The following SLC45A2 variants were observed in gnomAD, a reference collection of about 807,000 sequenced individuals.
SLC45A2 encodes membrane-associated transporter protein.
SLC45A2 carries 36 observed loss-of-function variants against 45.5 expected under a neutral mutation model. The ratio of observed to expected loss-of-function variants is 0.79; its 90% CI spans 0.61 to 1.04. The LOEUF (loss-of-function observed/expected upper bound fraction) is 1.04, where lower values mean the gene tolerates loss of function less well. Among genes scored for constraint, SLC45A2 ranks in the 50% least tolerant of loss-of-function variants. SLC45A2 has a pLI of 0.00. For missense variants in SLC45A2, 719 were observed against 671.0 expected, an observed-to-expected ratio of 1.07 and a Z score of -0.79; for synonymous variants, 306 against 269.3, an observed-to-expected ratio of 1.14 and a Z score of -1.33.
Position 33,982,400 on chromosome 5 carries a change from T to G in SLC45A2, c.398A>C (p.Asn133Thr), listed in dbSNP as rs950451016. Residue 133 changes from asparagine to threonine, a missense_variant, in exon 2 of 7, where the codon AAC becomes ACC. Transcript: ENST00000296589. Reference sequence around the variant, plus strand: ...GGCCCAAACCAGCTTCCTCCTTGGGTTAGCAATCAAAGCTAAAAGAAAAAT... The same window carrying G: ...GGCCCAAACCAGCTTCCTCCTTGGGGTAGCAATCAAAGCTAAAAGAAAAAT... ...GATVVAALIA[N>T]PRRKLVWAIS... 2.5e-6 allele frequency: 4 copies of G among 1,614,084 alleles called. No individual in the cohort carries two copies. The highest frequency in any genetic ancestry group is 3.4e-6 in the Non-Finnish European group (4 of 1,179,984).
In SLC45A2 at chr5:33,954,458, T is replaced by A. The variant is rs751976204; in HGVS notation, c.935A>T (p.Asn312Ile). 36 of 1,613,972 alleles carry A rather than the reference T, an allele frequency of 2.2e-5. No individual in the cohort carries two copies. Among genetic ancestry groups the A allele is most frequent in the Non-Finnish European group, 3.0e-5 (35 of 1,180,002 alleles). The change falls in exon 4 of 7, where the codon AAC becomes ATC. Residue 312 changes from asparagine (N) to isoleucine (I), a missense_variant. Transcript: ENST00000296589. ...AAGGTAGCGGTAGTGAGGAGGCATG[T>A]TCACCAGTGCTCTCAGCAGTGACTT... ...TLKSLLRALV[N>I]MPPHYRYLCI...
intron 3 of SLC45A2, among the ~76,000 whole-genome samples, chr5:33,958,051 A>C (rs917209285): frequency 6.6e-6 from 1 of 152,186 alleles, no homozygotes; most frequent in African/African-American, 2.4e-5. Flanking sequence ...GAGTTGTTTT[A>C]CTGCATTTAT....
At chr5:33,969,160 G>A (rs975565261) in intron 2 of SLC45A2, among the ~76,000 whole-genome samples, 1 of 151,184 alleles carries the variant, frequency 6.6e-6, no homozygotes, top group Non-Finnish European at 1.5e-5. Flanking sequence ...ACCAGGAACT[G>A]TGCTAAACAC....
intron 2 of SLC45A2, among the ~76,000 whole-genome samples, chr5:33,978,291 C>T (rs1353122752): frequency 6.6e-6 from 1 of 152,158 alleles, no homozygotes; most frequent in African/African-American, 2.4e-5. Context: ...CATCACATGA[C>T]AGATAACAGA....
At chr5:33,971,434 T>A (rs1432188115) in intron 2 of SLC45A2, 7 of 436,348 alleles carry the variant, frequency 1.6e-5, no homozygotes, top group Non-Finnish European at 2.6e-5. Context: ...ACTGCAACTT[T>A]TTTCCTTTTT....
chr5:33,980,313 T>C lies in SLC45A2; in HGVS notation c.562+1923A>G, dbSNP rs565743680. On this transcript the variant is annotated intron_variant, in intron 2 of 6. Transcript: ENST00000296589. ...TTATAGCTTTGCCAATTTCTAGAGT[T>C]TTAATACTGCCATCATGGCCAGTTT... Among the ~76,000 whole-genome samples, 631 of 152,070 alleles carry C rather than the reference T, an allele frequency of 4.1e-3. 6 individuals are homozygous for C. Among genetic ancestry groups the C allele is most frequent in the African/African-American group, 0.014 (601 of 41,474 alleles).
At chr5:33,945,956 G>A (rs1396078098) in intron 6 of SLC45A2, 1 of 985,154 alleles carries the variant, frequency 1.0e-6, no homozygotes, top group African/African-American at 1.7e-5. Flanking sequence ...GAGGGAGATA[G>A]TAAATGGTAA....
Position 33,954,450 on chromosome 5 carries a change from G to C in SLC45A2, c.943C>G (p.Pro315Ala). 1 of 1,614,126 alleles carries C rather than the reference G, an allele frequency of 6.2e-7. No individual in the cohort carries two copies. Among genetic ancestry groups the C allele is most frequent in the African/African-American group, 1.3e-5 (1 of 75,058 alleles). ...SLLRALVNMP[P>A]HYRYLCISHL... ...CTGATGCAAAGGTAGCGGTAGTGAG[G>C]AGGCATGTTCACCAGTGCTCTCAGC... The change falls in exon 4 of 7, where the codon CCT becomes GCT. Residue 315 changes from proline (P) to alanine (A), a missense_variant. By Grantham distance (27) the Pro-to-Ala change is conservative. Transcript: ENST00000296589.
At chr5:33,982,841 A>G (rs1263043486) in intron 1 of SLC45A2, among the ~76,000 whole-genome samples, 1 of 152,256 alleles carries the variant, frequency 6.6e-6, no homozygotes, top group Admixed American at 6.5e-5. Flanking sequence ...ATCGCAAGCA[A>G]TTCCAATTCT....
chr5:33,953,843 C>T (rs1341851459), intron 4 of SLC45A2, among the ~76,000 whole-genome samples: 6 of 102,210 alleles, frequency 5.9e-5, no homozygotes, highest in Non-Finnish European at 9.9e-5. Flanking sequence ...CACATAGGCT[C>T]AAAATAAAAG....
At chr5:33,960,360 T>C (rs1373661203) in intron 3 of SLC45A2, among the ~76,000 whole-genome samples, 2 of 152,010 alleles carry the variant, frequency 1.3e-5, no homozygotes, top group Non-Finnish European at 2.9e-5. Context: ...GTTTTTGCAA[T>C]TGCGAATTGT....
chr5:33,960,602 T>C (rs1373028053), intron 3 of SLC45A2, among the ~76,000 whole-genome samples: 1 of 152,126 alleles, frequency 6.6e-6, no homozygotes, highest in Admixed American at 6.6e-5. Context: ...CGTTGGGGAC[T>C]CAGGGGGTAA....
At chr5:33,962,150 G>A (rs1472472062) in intron 3 of SLC45A2, among the ~76,000 whole-genome samples, 2 of 152,072 alleles carry the variant, frequency 1.3e-5, no homozygotes, top group Non-Finnish European at 2.9e-5. Context: ...CTGATACATT[G>A]TTTTATAGCA....
intron 3 of SLC45A2, among the ~76,000 whole-genome samples, chr5:33,955,806 C>G (rs1482730695): frequency 6.6e-6 from 1 of 152,068 alleles, no homozygotes. Context: ...GTTTGAGGCA[C>G]TAAGAAGGAT....
intron 3 of SLC45A2, among the ~76,000 whole-genome samples, chr5:33,961,588 C>A (rs544179721): frequency 6.6e-6 from 1 of 152,304 alleles, no homozygotes; most frequent in East Asian, 1.9e-4. Context: ...TCTTCCATAA[C>A]GCTTTTCTCC....
At chr5:33,946,295 C>T (rs1245888308) in intron 6 of SLC45A2, 3 of 985,478 alleles carry the variant, frequency 3.0e-6, no homozygotes, top group East Asian at 1.1e-4. Context: ...ACTCCTGGTG[C>T]ACCTCTGCCC....
intron 2 of SLC45A2, chr5:33,972,576 A>G (rs1752817360): frequency 5.8e-6 from 1 of 171,632 alleles, no homozygotes; most frequent in African/African-American, 2.4e-5. Flanking sequence ...AAAGGTTAGA[A>G]AGTGGCTGAT....
intron 2 of SLC45A2, among the ~76,000 whole-genome samples, chr5:33,969,360 A>G (rs1752715152): frequency 1.3e-5 from 2 of 152,088 alleles, no homozygotes; most frequent in South Asian, 4.2e-4. Context: ...AGCTGATCTG[A>G]TATTTCTTTA....
At chr5:33,955,013 G>A (rs969932194) in intron 3 of SLC45A2, among the ~76,000 whole-genome samples, 10 of 152,114 alleles carry the variant, frequency 6.6e-5, no homozygotes, top group South Asian at 4.1e-4. Context: ...GTTATTAATC[G>A]CTCACTTTGA....
Sources: gnomAD v4.1 joint callset for allele counts (sites outside exome capture counted in the v4.1 genomes callset) on GRCh38, gnomAD v4.1.1 for gene constraint, MANE v1.5 for transcripts, NCBI Gene and HGNC (gene_info 2026-07-23, HGNC 2026-07-21) for gene names.